Variants in NPAS1 observed in about 807,000 individuals in gnomAD.
NPAS1 encodes neuronal PAS domain-containing protein 1.
A neutral mutation model predicts 49.2 loss-of-function variants in NPAS1; 29 were observed. The observed-to-expected ratio is 0.59, with a 90% CI of 0.44 to 0.80. The LOEUF (loss-of-function observed/expected upper bound fraction) is 0.80. NPAS1 is among the 30% of genes least tolerant of loss of function. NPAS1 has a pLI of 0.00. For synonymous variants in NPAS1, 408 were observed against 380.4 expected, an observed-to-expected ratio of 1.07 and a Z score of -0.84; for missense variants, 825 against 835.5, an observed-to-expected ratio of 0.99 and a Z score of 0.15.
At position 47,043,003 on chromosome 19, in the gene NPAS1, T is replaced by C. The variant is rs541909851; in HGVS notation, c.1312+99T>C. 67 of 895,724 alleles carry C rather than the reference T, an allele frequency of 7.5e-5. No homozygotes were observed. The South Asian group carries it at 1.1e-3, about 15-fold the overall frequency. The allele number at this position is 895,724 out of a possible 1,614,324, so 55.5% of individuals were successfully genotyped here. A position where few individuals can be genotyped will look rare whatever the true frequency, so the allele number is the denominator to read the frequency against. The stretch of plus-strand genomic sequence containing the variant: ...GCCACTAGCCACATGCAGCCATTTA[T>C]ATACAATTAAAATTAAAATCCAGGC... On this transcript the variant is annotated intron_variant, in intron 11 of 11. Transcript: ENST00000602212.
In NPAS1 at chr19:47,032,633, C is replaced by T. The variant is rs752754050; in HGVS notation, c.433-10C>T. 8 of 1,613,336 alleles carry T rather than the reference C, an allele frequency of 5.0e-6. No individual in the cohort carries two copies. The South Asian group carries it at 8.8e-5, about 18-fold the overall frequency. On this transcript the variant is annotated splice_polypyrimidine_tract_variant and intron_variant, in intron 4 of 11. Transcript: ENST00000602212. ...CTCTCCTTCCCCCTCCCTGTCTCTC[C>T]CGGCTCTAGTCCCTGGATGGCTTTG...
At chr19:47,023,486 A>C (rs1254878536) in intron 3 of NPAS1, among the ~76,000 whole-genome samples, 1 of 152,164 alleles carries the variant, frequency 6.6e-6, no homozygotes, top group African/African-American at 2.4e-5. Context: ...CTATAGTCCC[A>C]AAACTGGGAA....
At position 47,021,859 on chromosome 19, in the gene NPAS1, T is replaced by G; in HGVS notation, c.358+12T>G. 7.0e-7 allele frequency: 1 copy of G among 1,437,362 alleles called. No homozygotes were observed. The allele number at this position is 1,437,362 out of a possible 1,614,324, so 89.0% of individuals were successfully genotyped here. On this transcript the variant is annotated intron_variant, in intron 3 of 11. Coordinates refer to ENST00000602212, the MANE Select transcript of NPAS1 (RefSeq NM_002517.4). The surrounding 1 kb of genome is among the most constrained non-coding windows in gnomAD (Gnocchi z 5.7). ...GCCAGCTGGCCTCGGTGAGTGCTCATGCGCGGGGCGAGGGTCCCGGGGCCC... is the reference window on the plus strand; with the variant it reads ...GCCAGCTGGCCTCGGTGAGTGCTCAGGCGCGGGGCGAGGGTCCCGGGGCCC...
chr19:47,028,475 G>T (rs1028388324), intron 3 of NPAS1, among the ~76,000 whole-genome samples: 3 of 152,220 alleles, frequency 2.0e-5, no homozygotes, highest in Admixed American at 6.5e-5. Context: ...GTGTTTTGAT[G>T]GTCGGGTAAT....
At chr19:47,038,302 A>C (rs901807596) in intron 6 of NPAS1, among the ~76,000 whole-genome samples, 4 of 152,096 alleles carry the variant, frequency 2.6e-5, no homozygotes, top group Non-Finnish European at 1.5e-5. Flanking sequence ...CCAGATCACG[A>C]GGTCAAGAGA....
intron 11 of NPAS1, 51 bp from the exon 12 acceptor site, chr19:47,045,140 A>G (rs2057062145): frequency 1.3e-6 from 2 of 1,565,362 alleles, no homozygotes; most frequent in Non-Finnish European, 8.7e-7. Flanking sequence ...CACAGATGGG[A>G]AGACTGAGGG....
At chr19:47,028,041 G>C (rs575109185) in intron 3 of NPAS1, among the ~76,000 whole-genome samples, 3 of 152,092 alleles carry the variant, frequency 2.0e-5, no homozygotes, top group East Asian at 3.9e-4. Context: ...CCTTTCACAG[G>C]GGACCGGACC....
In NPAS1 at chr19:47,040,897, TCTC is replaced by T. The variant is rs1281941708; in HGVS notation, c.1070-75_1070-73del. ...CACTCCCCTGCTCTCACTCCTCCTG[TCTC>T]CTCCTGTCTACCTGGCTCTCTGTCT... On this transcript the variant is annotated intron_variant, in intron 9 of 11. Coordinates refer to ENST00000602212, the MANE Select transcript of NPAS1 (RefSeq NM_002517.4). 1.7e-5 allele frequency: 21 copies of T among 1,221,562 alleles called. 1 individual carries two copies. Among genetic ancestry groups the T allele is most frequent in the Non-Finnish European group, 2.2e-5 (20 of 907,576 alleles). 75.7% of individuals were successfully genotyped at this position (1,221,562 alleles called of 1,614,324 possible). A position where few individuals can be genotyped will look rare whatever the true frequency, so the allele number is the denominator to read the frequency against.
At chr19:47,040,612 C>A (rs969930012) in intron 9 of NPAS1, 62 bp downstream of exon 9, 2 of 1,172,926 alleles carry the variant, frequency 1.7e-6, no homozygotes, top group African/African-American at 3.0e-5. Context: ...CATCCCACTC[C>A]CTGGTCCCTG....
intron 3 of NPAS1, among the ~76,000 whole-genome samples, chr19:47,031,948 C>T (rs1017862033): frequency 2.4e-4 from 37 of 152,248 alleles, no homozygotes; most frequent in Non-Finnish European, 5.1e-4. Context: ...GCTGGGCTGT[C>T]CTGGTCACCG....
In NPAS1 at chr19:47,036,055, C is replaced by T. The variant is rs896951793; in HGVS notation, c.614C>T (p.Pro205Leu). 52 of 1,602,796 alleles carry T rather than the reference C, an allele frequency of 3.2e-5. No homozygotes were observed. The highest frequency in any genetic ancestry group is 4.5e-5 in the South Asian group (4 of 89,290). Residue 205 changes from proline (P) to leucine (L), a missense_variant, in exon 6 of 12, where the codon CCC becomes CTC. Physicochemically the swap from Pro to Leu is moderately conservative, Grantham distance 98. Coordinates refer to ENST00000602212, the MANE Select transcript of NPAS1 (RefSeq NM_002517.4). ...LEQLGLRTPT[P>L]GPPTPPSVSS... ...CAACTGGGGCTGCGGACGCCGACGCCCGGCCCCCCAACCCCGCCCTCCGTC... is the reference window on the plus strand; with the variant it reads ...CAACTGGGGCTGCGGACGCCGACGCTCGGCCCCCCAACCCCGCCCTCCGTC...
chr19:47,040,592 C>CA lies in NPAS1; in HGVS notation c.1069+43dup. The CA allele has an allele frequency of 2.2e-6, 3 of 1,358,650 alleles. No individual in the cohort carries two copies. The Admixed American group carries it at 6.0e-5, about 27-fold the overall frequency. 84.2% of individuals were successfully genotyped at this position (1,358,650 alleles called of 1,614,324 possible). The stretch of plus-strand genomic sequence containing the variant: ...CCCACCAAGCCTGCCTACCACCCCC[C>CA]AGACCCGAGCATCCCACTCCCTGGT... On this transcript the variant is annotated intron_variant, in intron 9 of 11. Coordinates refer to ENST00000602212, the MANE Select transcript of NPAS1 (RefSeq NM_002517.4).
At chr19:47,039,952 G>T (rs1300796447) in intron 8 of NPAS1, among the ~76,000 whole-genome samples, 3 of 152,162 alleles carry the variant, frequency 2.0e-5, no homozygotes, top group Non-Finnish European at 4.4e-5. Flanking sequence ...GAGGTGTCCA[G>T]GGTGCCTAGG....
Position 47,045,285 on chromosome 19 carries a change from G to A in NPAS1, c.1407G>A (p.Pro469=). The change falls in exon 12 of 12, where the codon CCG becomes CCA. Residue 469 remains proline, a synonymous_variant. Transcript: ENST00000602212. The part of the protein sequence containing the change: ...QGKRIKVEPG[P]RETKGSEDSG... ...AACGCATCAAAGTGGAGCCCGGCCC[G>A]AGGGAAACCAAAGGCTCCGAGGACA... 6.2e-7 allele frequency: 1 copy of A among 1,614,030 alleles called. No individual in the cohort carries two copies. The highest frequency in any genetic ancestry group is 2.2e-5 in the East Asian group (1 of 44,860).
chr19:47,040,750 C>T (rs952423477), intron 9 of NPAS1, 200 bp downstream of exon 9: 14 of 588,802 alleles, frequency 2.4e-5, no homozygotes, highest in East Asian at 1.7e-4. Flanking sequence ...GGGGGGGGGT[C>T]TGGGGGGCTG....
Position 47,032,723 on chromosome 19 carries a change from T to C in NPAS1, c.513T>C (p.Gly171=). The change falls in exon 5 of 12, where the codon GGT becomes GGC. Residue 171 remains glycine, a synonymous_variant. Transcript: ENST00000602212. ...CAGAGACAGTCTCCATCTATCTGGGTCTCTCACAGGTAAGGGACCCCCAGT... is the reference window on the plus strand; with the variant it reads ...CAGAGACAGTCTCCATCTATCTGGGCCTCTCACAGGTAAGGGACCCCCAGT... ...YISETVSIYL[G]LSQVEMTGSS... 6.2e-7 allele frequency: 1 copy of C among 1,613,520 alleles called. No individual in the cohort carries two copies. The highest frequency in any genetic ancestry group is 8.5e-7 in the Non-Finnish European group (1 of 1,179,538).
intron 9 of NPAS1, 166 bp downstream of exon 9, chr19:47,040,716 G>A (rs2057010038): frequency 8.2e-6 from 5 of 608,156 alleles, no homozygotes; most frequent in Non-Finnish European, 1.5e-5. Flanking sequence ...AGGAGACTGA[G>A]TGATGCCTCA....
chr19:47,042,960 T>C, intron 11 of NPAS1, 56 bp downstream of exon 11: 1 of 1,352,226 alleles, frequency 7.4e-7, no homozygotes, highest in Non-Finnish European at 9.9e-7. Context: ...CTTTGGGTCC[T>C]GGCTGTCCAT....
rs1034262327 is a variant in NPAS1 at position 47,021,208 on chromosome 19, C to A, written c.122+39C>A. 1.3e-5 allele frequency: 20 copies of A among 1,483,450 alleles called. No homozygotes were observed. Among genetic ancestry groups the A allele is most frequent in the Non-Finnish European group, 1.7e-5 (19 of 1,112,678 alleles). The allele number at this position is 1,483,450 out of a possible 1,614,324, so 91.9% of individuals were successfully genotyped here. On this transcript the variant is annotated intron_variant, in intron 2 of 11. Transcript: ENST00000602212. This position sits in a 1 kb window ranked among gnomAD's most constrained non-coding sequence, Gnocchi z 5.7. ...CGCCCCCCTGGCCGCGGGCCCCCCCCCGGGTCCAATTCACACCCGATGTTC... is the reference window on the plus strand; with the variant it reads ...CGCCCCCCTGGCCGCGGGCCCCCCCACGGGTCCAATTCACACCCGATGTTC...
Sources: gnomAD v4.1 joint callset for allele counts (sites outside exome capture counted in the v4.1 genomes callset) on GRCh38, gnomAD v4.1.1 for gene constraint, Gnocchi (gnomAD v3.1) non-coding constraint, MANE v1.5 for transcripts, NCBI Gene and HGNC (gene_info 2026-07-23, HGNC 2026-07-21) for gene names.